The following FBXL17 variants were observed in gnomAD, a reference collection of about 807,000 sequenced individuals.
FBXL17 encodes F-box/LRR-repeat protein 17.
A neutral mutation model predicts 66.2 loss-of-function variants in FBXL17; 22 were observed. The ratio of observed to expected loss-of-function variants is 0.33; its 90% confidence interval spans 0.24 to 0.47. The LOEUF (loss-of-function observed/expected upper bound fraction) is 0.47, where lower values mean the gene tolerates loss of function less well. Ranked by LOEUF, FBXL17 falls within the 20% of genes least tolerant of loss-of-function variation. The pLI is 1.00. For missense variants in FBXL17, 878 were observed against 948.2 expected (o/e 0.93, Z 0.97); for synonymous variants, 474 against 400.5 (o/e 1.18, Z -2.19).
chr5:108,119,408 C>T (rs1490625612), intron 6 of FBXL17, among the ~76,000 whole-genome samples: 1 of 152,170 alleles, frequency 6.6e-6, no homozygotes, highest in African/African-American at 2.4e-5. Flanking sequence ...GGTCAGAGTA[C>T]CTGCCTTGGG....
intron 4 of FBXL17, among the ~76,000 whole-genome samples, chr5:108,304,370 C>G (rs952144534): frequency 6.6e-6 from 1 of 151,902 alleles, no homozygotes. Flanking sequence ...GTTTATTCAA[C>G]ATTTATGAAT....
chr5:107,986,369 T>TA (rs1227562900), intron 7 of FBXL17, among the ~76,000 whole-genome samples: 4 of 151,708 alleles, frequency 2.6e-5, no homozygotes, highest in Admixed American at 6.6e-5. Context: ...TTTTTAAGGC[T>TA]AAAAAAATTA....
At chr5:108,180,534 A>C (rs1267186728) in intron 6 of FBXL17, among the ~76,000 whole-genome samples, 1 of 152,150 alleles carries the variant, frequency 6.6e-6, no homozygotes, top group Non-Finnish European at 1.5e-5. Context: ...AGAAATATCT[A>C]TAGGTACTAT....
chr5:108,218,534 C>T (rs542480907), intron 5 of FBXL17, among the ~76,000 whole-genome samples: 5 of 152,216 alleles, frequency 3.3e-5, no homozygotes, highest in African/African-American at 9.6e-5. Flanking sequence ...TACTAATTTA[C>T]ATTTCTACCA....
At chr5:108,252,644 A>G (rs1756405795) in intron 4 of FBXL17, among the ~76,000 whole-genome samples, 1 of 152,134 alleles carries the variant, frequency 6.6e-6, no homozygotes, top group South Asian at 2.1e-4. Flanking sequence ...ACCTAATACC[A>G]TTTAAATATG....
At chr5:108,157,734 G>A (rs1425216640) in intron 6 of FBXL17, among the ~76,000 whole-genome samples, 1 of 151,700 alleles carries the variant, frequency 6.6e-6, no homozygotes, top group East Asian at 1.9e-4. Context: ...AAAAAAAACT[G>A]AGAACCACTA....
chr5:108,330,791 T>C (rs1760086487), intron 4 of FBXL17, among the ~76,000 whole-genome samples: 2 of 152,006 alleles, frequency 1.3e-5, no homozygotes, highest in South Asian at 2.1e-4. Flanking sequence ...CACACATACA[T>C]ATGCCCACAT....
At chr5:108,225,476 G>A (rs72791245) in intron 4 of FBXL17, among the ~76,000 whole-genome samples, 15,528 of 152,176 alleles carry the variant, frequency 0.1, 998 homozygotes, top group Middle Eastern at 0.16. Flanking sequence ...AACTGGCGGA[G>A]CAGAGATGCA....
intron 4 of FBXL17, among the ~76,000 whole-genome samples, chr5:108,347,172 C>A (rs1747335185): frequency 6.6e-6 from 1 of 152,116 alleles, no homozygotes; most frequent in African/African-American, 2.4e-5. Context: ...TACAGAAAGC[C>A]CTGGGCCATA....
chr5:107,993,354 C>G (rs1753336553), intron 7 of FBXL17, among the ~76,000 whole-genome samples: 1 of 152,058 alleles, frequency 6.6e-6, no homozygotes, highest in African/African-American at 2.4e-5. Flanking sequence ...ACGTGTATTT[C>G]TGATATATAA....
chr5:108,180,231 T>G (rs286770), intron 6 of FBXL17, among the ~76,000 whole-genome samples: 1 of 152,030 alleles, frequency 6.6e-6, no homozygotes, highest in Non-Finnish European at 1.5e-5. Context: ...AAATATCTGG[T>G]TGGGGGCAGT....
intron 6 of FBXL17, among the ~76,000 whole-genome samples, chr5:108,163,244 T>C (rs1282099538): frequency 1.3e-5 from 2 of 152,158 alleles, no homozygotes; most frequent in Admixed American, 6.5e-5. Flanking sequence ...CTTTATATTC[T>C]CCTTACCATT....
At chr5:108,148,716 C>A (rs1048583958) in intron 6 of FBXL17, among the ~76,000 whole-genome samples, 2 of 152,056 alleles carry the variant, frequency 1.3e-5, no homozygotes, top group Non-Finnish European at 2.9e-5. Flanking sequence ...ATTGAATATC[C>A]ACATCCAAAG....
At chr5:107,999,321 A>G (rs934400821) in intron 7 of FBXL17, among the ~76,000 whole-genome samples, 11 of 152,230 alleles carry the variant, frequency 7.2e-5, no homozygotes, top group Middle Eastern at 3.4e-3. Context: ...TTTACCCTCC[A>G]TATCTTAGGC....
chr5:108,031,574 G>A (rs148507677), intron 6 of FBXL17, among the ~76,000 whole-genome samples: 15 of 152,232 alleles, frequency 9.9e-5, no homozygotes, highest in African/African-American at 3.1e-4. Context: ...GAAGGCTGAC[G>A]TTTTAAGAAA....
At chr5:108,008,908 T>C (rs1754039233) in intron 7 of FBXL17, among the ~76,000 whole-genome samples, 1 of 151,970 alleles carries the variant, frequency 6.6e-6, no homozygotes. Context: ...AGAAGAATCC[T>C]TTATGAGCGG....
At chr5:108,365,060 A>G (rs935790973) in intron 2 of FBXL17, 65 bp from the exon 3 acceptor site, 1 of 1,177,352 alleles carries the variant, frequency 8.5e-7, no homozygotes, top group African/African-American at 1.6e-5. Flanking sequence ...TCCATTTTTT[A>G]ATTAAATGTT....
chr5:108,179,323 G>A (rs190080596), intron 6 of FBXL17, among the ~76,000 whole-genome samples: 27 of 152,184 alleles, frequency 1.8e-4, no homozygotes, highest in African/African-American at 6.0e-4. Flanking sequence ...ATAAAGCCAC[G>A]TTGAGTTTTA....
chr5:108,168,527 T>C (rs956531332), intron 6 of FBXL17, among the ~76,000 whole-genome samples: 21 of 152,314 alleles, frequency 1.4e-4, no homozygotes, highest in African/African-American at 4.6e-4. Context: ...ATATGTAGAC[T>C]TTCCATTAAT....
Sources: allele counts gnomAD v4.1 joint callset (sites outside exome capture counted in the v4.1 genomes callset), GRCh38; gene constraint gnomAD v4.1.1; transcripts MANE v1.5; gene names NCBI Gene and HGNC (gene_info 2026-07-23, HGNC 2026-07-21).